Variants in SEMA6A observed in about 807,000 individuals in gnomAD.
SEMA6A encodes the protein semaphorin 6A, also known as semaphorin-6A.
A neutral mutation model predicts 96.8 loss-of-function variants in SEMA6A; 25 were observed. The observed-to-expected ratio is 0.26, with a 90% CI of 0.19 to 0.36. The LOEUF (loss-of-function observed/expected upper bound fraction) is 0.36, where lower values mean the gene tolerates loss of function less well. SEMA6A is among the 10% of genes least tolerant of loss of function. The pLI, the probability that SEMA6A is intolerant of heterozygous loss-of-function variation, is 1.00. For missense variants in SEMA6A, 1,363 were observed against 1,323.1 expected, an observed-to-expected ratio of 1.03 and a Z score of -0.47; for synonymous variants, 612 against 518.0, an observed-to-expected ratio of 1.18 and a Z score of -2.46.
intron 1 of SEMA6A, among the ~76,000 whole-genome samples, chr5:116,511,801 C>T (rs1202647675): frequency 6.6e-6 from 1 of 152,232 alleles, no homozygotes; most frequent in African/African-American, 2.4e-5. Flanking sequence ...TTAAGTGGAG[C>T]CACTTGCCTG....
chr5:116,501,715 C>G (rs1757890371), intron 3 of SEMA6A, among the ~76,000 whole-genome samples: 2 of 152,164 alleles, frequency 1.3e-5, no homozygotes, highest in South Asian at 4.1e-4. Context: ...TAGTGAAACC[C>G]TGTCTCTACT....
At position 116,445,369 on chromosome 5, in the gene SEMA6A, C is replaced by A. The variant is rs1051727238; in HGVS notation, c.*1244G>T. 6.6e-6 allele frequency: 1 copy of A among 152,624 alleles called. No individual in the cohort carries two copies. The highest frequency in any genetic ancestry group is 2.4e-5 in the African/African-American group (1 of 41,448). 9.5% of individuals were successfully genotyped at this position (152,624 alleles called of 1,614,324 possible). The stretch of plus-strand genomic sequence containing the variant: ...TAACCCCACGAAGAACCCGTGTGAT[C>A]AAATCATTAATTTATGCAAGGTAGC... On this transcript the variant is annotated 3_prime_UTR_variant, in exon 19 of 19. Transcript: ENST00000343348.
At chr5:116,549,489 G>T (rs1383907065) in intron 1 of SEMA6A, among the ~76,000 whole-genome samples, 1 of 152,126 alleles carries the variant, frequency 6.6e-6, no homozygotes, top group African/African-American at 2.4e-5. Flanking sequence ...AGGGACCCAT[G>T]GTTGTCTATC....
chr5:116,497,008 G>A (rs1359654510), intron 4 of SEMA6A, among the ~76,000 whole-genome samples: 3 of 152,062 alleles, frequency 2.0e-5, no homozygotes, highest in East Asian at 3.9e-4. Context: ...ATACATTTGT[G>A]GAACAAAATT....
chr5:116,495,751 T>A, intron 5 of SEMA6A: 1 of 448,618 alleles, frequency 2.2e-6, no homozygotes, highest in Admixed American at 3.9e-5. Flanking sequence ...TTATTTTATG[T>A]CACAAAAGGA....
At chr5:116,453,266 C>T (rs1228477446) in intron 18 of SEMA6A, among the ~76,000 whole-genome samples, 1 of 152,166 alleles carries the variant, frequency 6.6e-6, no homozygotes, top group African/African-American at 2.4e-5. Context: ...ACTCATTTTC[C>T]CACTCATCAG....
intron 17 of SEMA6A, 122 bp downstream of exon 17, chr5:116,472,951 G>A (rs1164494290): frequency 9.9e-6 from 15 of 1,522,770 alleles, no homozygotes; most frequent in Middle Eastern, 3.4e-4. Flanking sequence ...AAAAAATGAT[G>A]AGGATAAAAA....
At chr5:116,533,219 T>A (rs1364834266) in intron 1 of SEMA6A, among the ~76,000 whole-genome samples, 2 of 152,138 alleles carry the variant, frequency 1.3e-5, no homozygotes, top group Non-Finnish European at 2.9e-5. Context: ...CTGAATGGGC[T>A]TTCTACTCTA....
chr5:116,495,188 A>G (rs1757530162), intron 6 of SEMA6A, among the ~76,000 whole-genome samples: 1 of 152,242 alleles, frequency 6.6e-6, no homozygotes, highest in Admixed American at 6.5e-5. Flanking sequence ...TACAGAAACT[A>G]ACTTTGCTAG....
At position 116,478,087 on chromosome 5, in the gene SEMA6A, G is replaced by A; in HGVS notation, c.1495C>T (p.Leu499=). Residue 499 remains leucine, a synonymous_variant, in exon 14 of 19, where the codon CTG becomes TTG. Coordinates refer to ENST00000343348, the MANE Select transcript of SEMA6A (RefSeq NM_020796.5). ...GMQLDRASSS[L]YVAFSTCVIK... ...ACACAGGTAGAGAACGCAACATACAGAGAGCTGCTTGCTCTGTCCAGCTGC... is the reference window on the plus strand; with the variant it reads ...ACACAGGTAGAGAACGCAACATACAAAGAGCTGCTTGCTCTGTCCAGCTGC... The A allele has an allele frequency of 6.2e-7, 1 of 1,613,962 alleles. No individual in the cohort carries two copies. Among genetic ancestry groups the A allele is most frequent in the Non-Finnish European group, 8.5e-7 (1 of 1,179,878 alleles).
intron 1 of SEMA6A, among the ~76,000 whole-genome samples, chr5:116,522,494 T>C (rs908570015): frequency 6.6e-6 from 1 of 152,186 alleles, no homozygotes; most frequent in Non-Finnish European, 1.5e-5. Context: ...CTAGTCGATC[T>C]GTGATGCAGA....
At chr5:116,524,793 C>CACACACACACAGACACACACACACAG (rs1554090347) in intron 1 of SEMA6A, among the ~76,000 whole-genome samples, 7 of 152,160 alleles carry the variant, frequency 4.6e-5, no homozygotes, top group South Asian at 2.1e-4. Context: ...CACACAGACA[C>CACACACACACAGACACACACACACAG]ACACACACAC....
intron 18 of SEMA6A, among the ~76,000 whole-genome samples, chr5:116,451,021 G>A (rs1332240063): frequency 6.6e-6 from 1 of 152,144 alleles, no homozygotes; most frequent in African/African-American, 2.4e-5. Flanking sequence ...TGTCAGTAGT[G>A]GTGATAAAAG....
intron 5 of SEMA6A, 159 bp downstream of exon 5, chr5:116,496,092 T>C (rs963324132): frequency 6.9e-5 from 42 of 612,280 alleles, no homozygotes; most frequent in Non-Finnish European, 1.1e-4. Flanking sequence ...AAGCAAACTA[T>C]TTTTGCAAAT....
intron 2 of SEMA6A, among the ~76,000 whole-genome samples, 185 bp downstream of exon 2, chr5:116,504,660 A>G (rs918916301): frequency 6.6e-6 from 1 of 152,200 alleles, no homozygotes; most frequent in African/African-American, 2.4e-5. Flanking sequence ...CCACAACAAC[A>G]TCTGATGGAG....
chr5:116,527,712 T>A (rs1759292254), intron 1 of SEMA6A, among the ~76,000 whole-genome samples: 1 of 152,184 alleles, frequency 6.6e-6, no homozygotes, highest in African/African-American at 2.4e-5. Flanking sequence ...TTGGTTCTAA[T>A]GAGTCTAATG....
rs1244001161 is a variant in SEMA6A, at chr5:116,489,733, TG to T, written c.536-727del. Among the ~76,000 whole-genome samples the T allele has an allele frequency of 2.0e-5, 3 of 152,330 alleles. No homozygotes were observed. The East Asian group carries it at 5.8e-4, about 29-fold the overall frequency. ...GGTCTTTCTTTAGTAATTCATGCTT[TG>T]GGGGAGATACGATTGAGGGTAGATC... On this transcript the variant is annotated intron_variant, in intron 7 of 18. Coordinates refer to ENST00000343348, the MANE Select transcript of SEMA6A (RefSeq NM_020796.5).
intron 1 of SEMA6A, among the ~76,000 whole-genome samples, chr5:116,517,328 G>A (rs917895595): frequency 2.0e-5 from 3 of 151,508 alleles, no homozygotes; most frequent in South Asian, 4.2e-4. Context: ...ACATGCCTTC[G>A]TTCCTAAAGA....
At chr5:116,457,984 CAAGAA>C (rs1373513133) in intron 18 of SEMA6A, among the ~76,000 whole-genome samples, 2 of 152,090 alleles carry the variant, frequency 1.3e-5, no homozygotes, top group Non-Finnish European at 2.9e-5. Flanking sequence ...GGTATAATGT[CAAGAA>C]AAGAGAAGCT....
Sources: gnomAD v4.1 joint callset for allele counts (sites outside exome capture counted in the v4.1 genomes callset) on GRCh38, gnomAD v4.1.1 for gene constraint, MANE v1.5 for transcripts, NCBI Gene and HGNC (gene_info 2026-07-23, HGNC 2026-07-21) for gene names.